COX7B2: variants seen among roughly 807,000 people sequenced by gnomAD.
The protein encoded by COX7B2 is cytochrome c oxidase subunit 7B2.
For synonymous variants in COX7B2, 37 were observed against 32.1 expected (o/e 1.15, Z -0.51); for missense variants, 109 against 95.9 (o/e 1.14, Z -0.57).
intron 2 of COX7B2, among the ~76,000 whole-genome samples, chr4:46,791,670 A>G (rs1460600657): frequency 6.6e-6 from 1 of 152,200 alleles, no homozygotes; most frequent in Non-Finnish European, 1.5e-5. Context: ...CTTCCATGCA[A>G]CAAAGTCTGC....
chr4:46,886,718 C>T (rs1719104882), intron 1 of COX7B2, among the ~76,000 whole-genome samples: 1 of 151,980 alleles, frequency 6.6e-6, no homozygotes, highest in Non-Finnish European at 1.5e-5. Flanking sequence ...AGAACAAAAA[C>T]AAAGGGAAAG....
At chr4:46,903,027 A>G (rs1401356350) in intron 1 of COX7B2, among the ~76,000 whole-genome samples, 1 of 152,246 alleles carries the variant, frequency 6.6e-6, no homozygotes, top group East Asian at 1.9e-4. Context: ...GAGATCAAAC[A>G]ACTTAAGAAA....
intron 1 of COX7B2, among the ~76,000 whole-genome samples, chr4:46,877,961 G>C (rs1718448604): frequency 6.6e-6 from 1 of 151,326 alleles, no homozygotes; most frequent in Non-Finnish European, 1.5e-5. Context: ...CAATAGCCAA[G>C]ATATGGAAAC....
intron 2 of COX7B2, among the ~76,000 whole-genome samples, chr4:46,774,098 G>A (rs1366804884): frequency 1.3e-5 from 2 of 152,112 alleles, no homozygotes; most frequent in African/African-American, 4.8e-5. Flanking sequence ...CCGTGATTCT[G>A]TTTCAGTCAA....
intron 2 of COX7B2, among the ~76,000 whole-genome samples, chr4:46,785,379 T>A (rs906677970): frequency 1.3e-5 from 2 of 151,900 alleles, no homozygotes; most frequent in Non-Finnish European, 2.9e-5. Flanking sequence ...AGAGCAATTT[T>A]TTTTTTTTTT....
Position 46,831,988 on chromosome 4 carries a change from A to G in COX7B2, c.-50+12972T>C, listed in dbSNP as rs1577627127. Among the ~76,000 whole-genome samples, 3 of 152,304 alleles carry G rather than the reference A, an allele frequency of 2.0e-5. No individual in the cohort carries two copies. In the East Asian group the frequency reaches 5.8e-4, roughly 29 times the overall value. ...TTTGTGTCTAGCTCAGGAATGGTAA[A>G]TGCACCAATCAGCACCCTGTTAAAA... is the stretch of plus-strand genomic sequence containing the variant. On this transcript the variant is annotated intron_variant, in intron 2 of 2. Transcript: ENST00000355591.
chr4:46,801,489 A>C (rs10019489), intron 2 of COX7B2, among the ~76,000 whole-genome samples: 4,924 of 152,254 alleles, frequency 0.032, 273 homozygotes, highest in African/African-American at 0.11. Context: ...AGAAAAACAA[A>C]TATCGCATGT....
chr4:46,794,792 G>A (rs1008477891), intron 2 of COX7B2, among the ~76,000 whole-genome samples: 32 of 152,092 alleles, frequency 2.1e-4, no homozygotes, highest in African/African-American at 2.4e-4. Flanking sequence ...AAATGACTAC[G>A]GTGCTCCTAG....
intron 1 of COX7B2, among the ~76,000 whole-genome samples, chr4:46,899,824 T>C (rs984444633): frequency 1.3e-5 from 2 of 152,176 alleles, no homozygotes; most frequent in Non-Finnish European, 2.9e-5. Context: ...ATAGCTATCA[T>C]TTGTAGAGTA....
At chr4:46,769,939 A>G (rs1182331911) in intron 2 of COX7B2, among the ~76,000 whole-genome samples, 1 of 152,174 alleles carries the variant, frequency 6.6e-6, no homozygotes, top group Admixed American at 6.5e-5. Context: ...AAGATGAGGA[A>G]CAAGATCAGG....
At chr4:46,747,470 A>G (rs548902731) in intron 2 of COX7B2, among the ~76,000 whole-genome samples, 1 of 151,546 alleles carries the variant, frequency 6.6e-6, no homozygotes, top group Admixed American at 6.6e-5. Context: ...CGCCTGGCTA[A>G]TTTTTGTATT....
chr4:46,750,931 T>C (rs1287262908), intron 2 of COX7B2, among the ~76,000 whole-genome samples: 2 of 152,074 alleles, frequency 1.3e-5, no homozygotes, highest in Non-Finnish European at 2.9e-5. Flanking sequence ...ACAGACCCTA[T>C]CTCCAAATAC....
At chr4:46,795,118 G>T (rs950633050) in intron 2 of COX7B2, among the ~76,000 whole-genome samples, 12 of 136,450 alleles carry the variant, frequency 8.8e-5, no homozygotes, top group Non-Finnish European at 1.5e-4. Flanking sequence ...CAGATGAGTA[G>T]GTTGCAAAAA....
At chr4:46,781,711 T>A (rs11727711) in intron 2 of COX7B2, among the ~76,000 whole-genome samples, 1 of 152,018 alleles carries the variant, frequency 6.6e-6, no homozygotes, top group Admixed American at 6.5e-5. Flanking sequence ...GGGCTGCGCC[T>A]GGCGCTCACC....
intron 1 of COX7B2, among the ~76,000 whole-genome samples, chr4:46,893,951 T>A (rs1333586733): frequency 6.6e-6 from 1 of 152,090 alleles, no homozygotes; most frequent in African/African-American, 2.4e-5. Flanking sequence ...GGAATACAAC[T>A]AACCAGGAAG....
intron 2 of COX7B2, among the ~76,000 whole-genome samples, chr4:46,799,701 C>T (rs1718547963): frequency 6.6e-6 from 1 of 152,096 alleles, no homozygotes; most frequent in South Asian, 2.1e-4. Flanking sequence ...GGAATAAAGC[C>T]TACTTGATTT....
intron 1 of COX7B2, among the ~76,000 whole-genome samples, chr4:46,879,234 T>A (rs1177584546): frequency 1.3e-5 from 2 of 152,060 alleles, no homozygotes; most frequent in Non-Finnish European, 2.9e-5. Flanking sequence ...GCTCAAGTGA[T>A]CTCCTAACTC....
intron 2 of COX7B2, among the ~76,000 whole-genome samples, chr4:46,795,544 G>C (rs911782181): frequency 3.5e-5 from 5 of 143,262 alleles, no homozygotes; most frequent in East Asian, 2.0e-4. Flanking sequence ...GCTCTGTTCT[G>C]TTCCATTGAT....
chr4:46,870,377 T>G (rs1332067180), intron 1 of COX7B2, among the ~76,000 whole-genome samples: 2 of 151,852 alleles, frequency 1.3e-5, no homozygotes, highest in Non-Finnish European at 1.5e-5. Flanking sequence ...CAGCCAACAT[T>G]ATACTGAATG....
Sources: allele counts gnomAD v4.1 joint callset (sites outside exome capture counted in the v4.1 genomes callset), GRCh38; gene constraint gnomAD v4.1.1; transcripts MANE v1.5; gene names NCBI Gene and HGNC (gene_info 2026-07-23, HGNC 2026-07-21).